SH3GLB1: variants seen among roughly 807,000 people sequenced by gnomAD.
The protein encoded by SH3GLB1 is endophilin-B1.
A neutral mutation model predicts 42.0 loss-of-function variants in SH3GLB1; 17 were observed. The ratio of observed to expected loss-of-function variants is 0.40; its 90% CI spans 0.28 to 0.61. The LOEUF is 0.61. SH3GLB1 is among the 20% of genes least tolerant of loss of function. The pLI, the probability that SH3GLB1 is intolerant of heterozygous loss-of-function variation, is 0.36. For synonymous variants in SH3GLB1, 132 were observed against 146.6 expected, an observed-to-expected ratio of 0.90 and a Z score of 0.72; for missense variants, 355 against 426.3, an observed-to-expected ratio of 0.83 and a Z score of 1.47.
rs1284497585 is a variant in SH3GLB1 at position 86,747,878 on chromosome 1, GAAAA to G, written c.*4646_*4649del. ...CAAGTCATAGCCCTGTTGGCAAAAA[GAAAA>G]AAGATTCAGTGAGAAAGAAAAATCA... On this transcript the variant is annotated 3_prime_UTR_variant, in exon 9 of 9. Transcript: ENST00000370558. The G allele has an allele frequency of 6.6e-6, 1 of 152,032 alleles. No individual in the cohort carries two copies. The highest frequency in any genetic ancestry group is 1.5e-5 in the Non-Finnish European group (1 of 67,974). The allele number at this position is 152,032 out of a possible 1,614,324, so 9.4% of individuals were successfully genotyped here. A position where few individuals can be genotyped will look rare whatever the true frequency, so the allele number is the denominator to read the frequency against.
chr1:86,724,289 A>T, intron 4 of SH3GLB1, 24 bp from the exon 5 acceptor site: 1 of 1,510,012 alleles, frequency 6.6e-7, no homozygotes, highest in Non-Finnish European at 9.0e-7. Context: ...TTTAGCCCTT[A>T]TTTTTTCTTT....
chr1:86,708,889 G>A (rs2101910496), intron 1 of SH3GLB1, among the ~76,000 whole-genome samples: 1 of 152,074 alleles, frequency 6.6e-6, no homozygotes, highest in South Asian at 2.1e-4. Flanking sequence ...ACTTATTTTA[G>A]GCTTTTGTTC....
intron 1 of SH3GLB1, among the ~76,000 whole-genome samples, chr1:86,715,063 A>G (rs1035817878): frequency 6.6e-6 from 1 of 152,372 alleles, no homozygotes; most frequent in Non-Finnish European, 1.5e-5. Flanking sequence ...TTGCTGGAAC[A>G]TATCCTCAGC....
At chr1:86,732,344 T>C (rs910162884) in intron 5 of SH3GLB1, among the ~76,000 whole-genome samples, 2 of 152,240 alleles carry the variant, frequency 1.3e-5, no homozygotes, top group Non-Finnish European at 2.9e-5. Flanking sequence ...CTTTTAGCAG[T>C]AGAAGGTCTT....
chr1:86,704,638 G>T lies in SH3GLB1; in HGVS notation c.-262G>T. The T allele has an allele frequency of 3.0e-6, 1 of 336,204 alleles. No individual in the cohort carries two copies. Among genetic ancestry groups the T allele is most frequent in the Non-Finnish European group, 5.5e-6 (1 of 181,872 alleles). 20.8% of individuals were successfully genotyped at this position (336,204 alleles called of 1,614,324 possible). A position where few individuals can be genotyped will look rare whatever the true frequency, so the allele number is the denominator to read the frequency against. ...GCCCGTCCATCTCCGGCTCGCCCGC[G>T]GGGCCCATCGTCGACGTTAGCGGCC... On this transcript the variant is annotated 5_prime_UTR_variant, in exon 1 of 9. Coordinates refer to ENST00000370558, the MANE Select transcript of SH3GLB1 (RefSeq NM_016009.5).
chr1:86,722,510 A>T, intron 3 of SH3GLB1, 30 bp from the exon 4 acceptor site: 1 of 1,551,202 alleles, frequency 6.4e-7, no homozygotes, highest in Non-Finnish European at 8.7e-7. Context: ...TTACCAGACA[A>T]TGATTTTTAA....
In SH3GLB1 at chr1:86,729,494, A is replaced by G. The variant is rs116370078; in HGVS notation, c.570+5089A>G. Among the ~76,000 whole-genome samples the G allele has an allele frequency of 3.3e-3, 498 of 152,268 alleles. 7 individuals are homozygous for G. The highest frequency in any genetic ancestry group is 0.011 in the African/African-American group (468 of 41,566). On this transcript the variant is annotated intron_variant, in intron 5 of 8. Coordinates refer to ENST00000370558, the MANE Select transcript of SH3GLB1 (RefSeq NM_016009.5). ...CTATAGGTAAATGAAAAGCGTGAGGATATTTCAGTCATTGCTAATTTAAAA... is the reference window on the plus strand; with the variant it reads ...CTATAGGTAAATGAAAAGCGTGAGGGTATTTCAGTCATTGCTAATTTAAAA...
At chr1:86,711,428 C>A (rs1654203983) in intron 1 of SH3GLB1, among the ~76,000 whole-genome samples, 1 of 151,784 alleles carries the variant, frequency 6.6e-6, no homozygotes, top group African/African-American at 2.4e-5. Context: ...TGCCACTTTG[C>A]CATATTACAA....
At chr1:86,730,724 A>G (rs1216794915) in intron 5 of SH3GLB1, among the ~76,000 whole-genome samples, 1 of 151,976 alleles carries the variant, frequency 6.6e-6, no homozygotes, top group Non-Finnish European at 1.5e-5. Context: ...CTGGTCTCGA[A>G]CTCCTGAACT....
At position 86,704,722 on chromosome 1, in the gene SH3GLB1, T is replaced by TCGCCCCGCCTTCATCCTCCCC. The variant is rs1487590396; in HGVS notation, c.-177_-157dup. ...GCCGCCGCGCGCTTGTTCTCCTCCC[T>TCGCCCCGCCTTCATCCTCCCC]CGCCCCGCCTTCATCCTCCCCGTTC... On this transcript the variant is annotated 5_prime_UTR_variant, in exon 1 of 9. Transcript: ENST00000370558. The TCGCCCCGCCTTCATCCTCCCC allele has an allele frequency of 1.9e-5, 9 of 471,032 alleles. No homozygotes were observed. The highest frequency in any genetic ancestry group is 1.9e-4 in the African/African-American group (9 of 47,622). The allele number at this position is 471,032 out of a possible 1,614,324, so 29.2% of individuals were successfully genotyped here.
chr1:86,732,480 A>T (rs1392554885), intron 5 of SH3GLB1, among the ~76,000 whole-genome samples: 1 of 152,172 alleles, frequency 6.6e-6, no homozygotes, highest in African/African-American at 2.4e-5. Flanking sequence ...AGCCTCTCAG[A>T]TCAGTTATTA....
In SH3GLB1 at chr1:86,712,980, G is replaced by A. The variant is rs147507511; in HGVS notation, c.73-2744G>A. On this transcript the variant is annotated intron_variant, in intron 1 of 8. Coordinates refer to ENST00000370558, the MANE Select transcript of SH3GLB1 (RefSeq NM_016009.5). ...CACAAAGAAAATGTTAAATAATTAA[G>A]CAAACAGGCCTTTTTACCTGAAGAT... Among the ~76,000 whole-genome samples, 114 of 152,182 alleles carry A rather than the reference G, an allele frequency of 7.5e-4. 1 individual carries two copies. Among genetic ancestry groups the A allele is most frequent in the African/African-American group, 2.6e-3 (106 of 41,540 alleles).
intron 5 of SH3GLB1, among the ~76,000 whole-genome samples, chr1:86,731,541 A>G (rs1655509728): frequency 6.6e-6 from 1 of 152,194 alleles, no homozygotes; most frequent in South Asian, 2.1e-4. Flanking sequence ...AGAGCAACAC[A>G]GAAGAGAATA....
chr1:86,719,412 A>C, intron 2 of SH3GLB1, 95 bp from the exon 3 acceptor site: 8 of 1,012,994 alleles, frequency 7.9e-6, no homozygotes, highest in Non-Finnish European at 1.1e-5. Flanking sequence ...TGCTAACTTT[A>C]GGAGATGATA....
intron 5 of SH3GLB1, among the ~76,000 whole-genome samples, chr1:86,724,745 C>A (rs1655063284): frequency 6.6e-6 from 1 of 151,010 alleles, no homozygotes; most frequent in Non-Finnish European, 1.5e-5. Flanking sequence ...ATGGTGGCAC[C>A]CACCTGTAGT....
At chr1:86,729,789 A>G (rs1468813767) in intron 5 of SH3GLB1, among the ~76,000 whole-genome samples, 3 of 152,072 alleles carry the variant, frequency 2.0e-5, no homozygotes, top group Non-Finnish European at 4.4e-5. Flanking sequence ...TTTAGTCCAA[A>G]TCTCTAATTT....
intron 1 of SH3GLB1, among the ~76,000 whole-genome samples, chr1:86,711,476 A>G (rs1654206229): frequency 2.0e-5 from 3 of 152,168 alleles, no homozygotes; most frequent in Non-Finnish European, 4.4e-5. Flanking sequence ...ATTATATTTT[A>G]GAAAACATTG....
chr1:86,730,043 A>G (rs1208022933), intron 5 of SH3GLB1: 2 of 1,539,534 alleles, frequency 1.3e-6, no homozygotes, highest in African/African-American at 2.8e-5. Context: ...AATAAATTCC[A>G]ACTTTCATGC....
intron 3 of SH3GLB1, 115 bp from the exon 4 acceptor site, chr1:86,722,425 T>C: frequency 1.1e-6 from 1 of 890,740 alleles, no homozygotes; most frequent in Non-Finnish European, 1.7e-6. Flanking sequence ...GGTTTTACTT[T>C]AGCAAGCAAG....
Sources: gnomAD v4.1 joint callset for allele counts (sites outside exome capture counted in the v4.1 genomes callset) on GRCh38, gnomAD v4.1.1 for gene constraint, MANE v1.5 for transcripts, NCBI Gene and HGNC (gene_info 2026-07-23, HGNC 2026-07-21) for gene names.